The following CYB5R2 variants were observed in gnomAD, a reference collection of about 807,000 sequenced individuals.
CYB5R2 encodes the protein NADH-cytochrome b5 reductase 2.
A neutral mutation model predicts 29.8 loss-of-function variants in CYB5R2; 35 were observed. The ratio of observed to expected loss-of-function variants is 1.17; its 90% CI spans 0.90 to 1.56. The LOEUF (loss-of-function observed/expected upper bound fraction) is 1.56, where lower values mean the gene tolerates loss of function less well. Among genes scored for constraint, CYB5R2 ranks in the 40% most tolerant of loss-of-function variants. The pLI is 0.00. For missense variants in CYB5R2, 419 were observed against 346.7 expected (o/e 1.21, Z -1.66); for synonymous variants, 169 against 130.6 (o/e 1.29, Z -2.01).
rs550094302 is a variant in CYB5R2 at position 7,665,363 on chromosome 11, A to C, written c.*11T>G. 9.0e-6 allele frequency: 13 copies of C among 1,447,668 alleles called. No homozygotes were observed. The East Asian group carries it at 3.1e-4, about 35-fold the overall frequency. The allele number at this position is 1,447,668 out of a possible 1,614,324, so 89.7% of individuals were successfully genotyped here. On this transcript the variant is annotated 3_prime_UTR_variant, in exon 9 of 9. Coordinates refer to ENST00000299498, the MANE Select transcript of CYB5R2 (RefSeq NM_016229.5). Reference sequence around the variant, plus strand: ...AAAGGGACATGCAAAATTGCTGAGCACGTGGAGGTGTTAGTAGGTGAAAAT... The same window carrying C: ...AAAGGGACATGCAAAATTGCTGAGCCCGTGGAGGTGTTAGTAGGTGAAAAT...
Position 7,666,457 on chromosome 11 carries a change from G to C in CYB5R2, c.652C>G (p.Pro218Ala). Residue 218 changes from proline (P) to alanine (A), a missense_variant, in exon 8 of 9, where the codon CCC becomes GCC. Physicochemically the swap from Pro to Ala is conservative, Grantham distance 27 (BLOSUM62 -1). Coordinates refer to ENST00000299498, the MANE Select transcript of CYB5R2 (RefSeq NM_016229.5). ...FNLWYTLDRP[P>A]IGWKYSSGFV... ...AGGGCAATGGATGTCGTACCAATGG[G>C]AGGCCTGTCCAGGGTGTACCACAGG... 1.2e-6 allele frequency: 2 copies of C among 1,609,394 alleles called. No individual in the cohort carries two copies. The highest frequency in any genetic ancestry group is 1.7e-6 in the Non-Finnish European group (2 of 1,176,246).
chr11:7,667,566 C>G, intron 7 of CYB5R2, 162 bp downstream of exon 7: 1 of 676,852 alleles, frequency 1.5e-6, no homozygotes, highest in Admixed American at 2.4e-5. Flanking sequence ...CAGGCCTGGA[C>G]TCAGCTTCTC....
At chr11:7,668,394 T>C in intron 6 of CYB5R2, 84 bp downstream of exon 6, 1 of 1,054,292 alleles carries the variant, frequency 9.5e-7, no homozygotes, top group Admixed American at 1.7e-5. Context: ...TCTCTCATGT[T>C]GTCCCTTAGA....
Position 7,666,537 on chromosome 11 carries a change from A to G in CYB5R2, c.572T>C (p.Ile191Thr), listed in dbSNP as rs1244063493. ...TTCTTCAAGCTCTTTTCTGACCAAGATATCCTCCTCTGTCTAGAAAAGAAG... is the reference window on the plus strand; with the variant it reads ...TTCTTCAAGCTCTTTTCTGACCAAGGTATCCTCCTCTGTCTAGAAAAGAAG... ...LIFANQTEED[I>T]LVRKELEEIA... The change falls in exon 8 of 9, where the codon ATC becomes ACC. Residue 191 changes from isoleucine (I) to threonine (T), a missense_variant. Transcript: ENST00000299498. 1.2e-6 allele frequency: 2 copies of G among 1,613,046 alleles called. No homozygotes were observed. The highest frequency in any genetic ancestry group is 1.7e-6 in the Non-Finnish European group (2 of 1,179,158).
At chr11:7,672,568 C>A in intron 2 of CYB5R2, 45 bp from the exon 3 acceptor site, 1 of 1,595,008 alleles carries the variant, frequency 6.3e-7, no homozygotes, top group Non-Finnish European at 8.6e-7. Flanking sequence ...TTTCTAGAAG[C>A]CTTGCTGGGC....
At chr11:7,666,113 G>C in intron 8 of CYB5R2, 1 of 622,392 alleles carries the variant, frequency 1.6e-6, no homozygotes, top group Non-Finnish European at 2.9e-6. Flanking sequence ...AGGGTGAGTG[G>C]TGAAGGGGTC....
upstream of CYB5R2, chr11:7,673,516 G>C (rs561618858): frequency 3.8e-5 from 37 of 985,666 alleles, no homozygotes; most frequent in Admixed American, 6.1e-5. Context: ...TCCGGAATCC[G>C]AGCCGGCCCG....
intron 2 of CYB5R2, 76 bp downstream of exon 2, chr11:7,672,672 A>T: frequency 6.3e-7 from 1 of 1,581,510 alleles, no homozygotes. Flanking sequence ...GGAGGCCATG[A>T]GATGACTGTC....
In CYB5R2 at chr11:7,669,237, C is replaced by T; in HGVS notation, c.356G>A (p.Gly119Glu). The T allele has an allele frequency of 6.2e-7, 1 of 1,613,968 alleles. No homozygotes were observed. Among genetic ancestry groups the T allele is most frequent in the Non-Finnish European group, 8.5e-7 (1 of 1,179,986 alleles). Residue 119 changes from glycine (G) to glutamate (E), a missense_variant, in exon 5 of 9, where the codon GGG becomes GAG. Gly to Glu is a moderately conservative substitution (Grantham distance 98). Coordinates refer to ENST00000299498, the MANE Select transcript of CYB5R2 (RefSeq NM_016229.5). ...MKIGETIFFRGPRGRLFYHGP... is the reference protein window; with the variant it reads ...MKIGETIFFREPRGRLFYHGP... ...ATGGTAAAACAAGCGTCCCCTTGGC[C>T]CTCGAAAAAAGATGGTCTCCCCGAT...
intron 3 of CYB5R2, 143 bp from the exon 4 acceptor site, chr11:7,669,874 C>G: frequency 1.5e-6 from 1 of 649,746 alleles, no homozygotes; most frequent in Non-Finnish European, 2.7e-6. Flanking sequence ...AGGGAAGGAA[C>G]CCAAATATGG....
At position 7,666,458 on chromosome 11, in the gene CYB5R2, A is replaced by G. The variant is rs1555005307; in HGVS notation, c.651T>C (p.Pro217=). 29 of 1,609,076 alleles carry G rather than the reference A, an allele frequency of 1.8e-5. No homozygotes were observed. The highest frequency in any genetic ancestry group is 2.5e-5 in the Non-Finnish European group (29 of 1,175,938). ...QFNLWYTLDR[P]PIGWKYSSGF... ...GGGCAATGGATGTCGTACCAATGGG[A>G]GGCCTGTCCAGGGTGTACCACAGGT... Residue 217 remains proline, a synonymous_variant, in exon 8 of 9, where the codon CCT becomes CCC. Coordinates refer to ENST00000299498, the MANE Select transcript of CYB5R2 (RefSeq NM_016229.5).
At chr11:7,667,638 C>T in intron 7 of CYB5R2, 90 bp downstream of exon 7, 2 of 1,242,676 alleles carry the variant, frequency 1.6e-6, no homozygotes, top group Non-Finnish European at 2.4e-6. Context: ...ACCCAAGCAG[C>T]ATGAGCTCAG....
chr11:7,672,484 G>C lies in CYB5R2; in HGVS notation c.118C>G (p.Pro40Ala). 6.2e-7 allele frequency: 1 copy of C among 1,614,202 alleles called. No individual in the cohort carries two copies. Residue 40 changes from proline (P) to alanine (A), a missense_variant, in exon 3 of 9, where the codon CCT becomes GCT. Transcript: ENST00000299498. The part of the protein sequence containing the change: ...HNTRRFRFGL[P>A]SPDHVLGLPV... ...AGCCCTAAGACATGGTCCGGCGAAG[G>C]CAGTCCAAAGCGGAACCTCCGGGTG...
chr11:7,666,018 A>C (rs370910228), intron 8 of CYB5R2: 6 of 1,051,370 alleles, frequency 5.7e-6, no homozygotes, highest in East Asian at 2.6e-5. Flanking sequence ...GGTTGCTGGG[A>C]TGCTGTCTGG....
chr11:7,665,828 G>A lies in CYB5R2; in HGVS notation c.659-282C>T, dbSNP rs534792512. On this transcript the variant is annotated intron_variant, in intron 8 of 8. Transcript: ENST00000299498. Reference sequence around the variant, plus strand: ...GAAGGAGAACACAACGAGGTATACCGAGGTGTGTGAATCAGTACAGCCAGC... The same window carrying A: ...GAAGGAGAACACAACGAGGTATACCAAGGTGTGTGAATCAGTACAGCCAGC... The A allele has an allele frequency of 3.8e-5, 59 of 1,533,166 alleles. No homozygotes were observed. The African/African-American group carries it at 5.2e-4, about 14-fold the overall frequency. The allele number at this position is 1,533,166 out of a possible 1,614,324, so 95.0% of individuals were successfully genotyped here.
At chr11:7,669,456 G>A (rs1855584820) in intron 4 of CYB5R2, 122 bp from the exon 5 acceptor site, 1 of 1,285,494 alleles carries the variant, frequency 7.8e-7, no homozygotes, top group Non-Finnish European at 1.1e-6. Flanking sequence ...CTGAATTGTT[G>A]TACGCAATCC....
chr11:7,666,375 A>G (rs1855218793), intron 8 of CYB5R2, 76 bp downstream of exon 8: 1 of 932,484 alleles, frequency 1.1e-6, no homozygotes, highest in East Asian at 2.4e-5. Context: ...AACAAAACAA[A>G]GAGACAGAGA....
At chr11:7,672,673 G>C (rs1202786599) in intron 2 of CYB5R2, 75 bp downstream of exon 2, 1 of 1,584,932 alleles carries the variant, frequency 6.3e-7, no homozygotes, top group Admixed American at 1.7e-5. Context: ...GAGGCCATGA[G>C]ATGACTGTCT....
chr11:7,666,626 A>G (rs1590864050), intron 7 of CYB5R2, 76 bp from the exon 8 acceptor site: 1 of 1,087,512 alleles, frequency 9.2e-7, no homozygotes, highest in Non-Finnish European at 1.4e-6. Flanking sequence ...ACCGGTCAGC[A>G]TACTCCTGGC....
Sources: gnomAD v4.1 joint callset for allele counts on GRCh38, gnomAD v4.1.1 for gene constraint, MANE v1.5 for transcripts, NCBI Gene and HGNC (gene_info 2026-07-23, HGNC 2026-07-21) for gene names.